ADAM12: variants seen among roughly 807,000 people sequenced by gnomAD.
The protein encoded by ADAM12 is ADAM metallopeptidase domain 12.
ADAM12 carries 70 observed loss-of-function variants against 106.4 expected under a neutral mutation model. That is an observed-to-expected ratio of 0.66 (90% CI 0.54 to 0.80). ADAM12 has a LOEUF of 0.80. ADAM12 is among the 30% of genes least tolerant of loss of function. The probability of loss-of-function intolerance (pLI) is 0.00; values close to 1 mark genes in which losing one functional copy is unlikely to be tolerated. For missense variants in ADAM12, 1,010 were observed against 1,171.9 expected (o/e 0.86, Z 2.02); for synonymous variants, 420 against 433.5 (o/e 0.97, Z 0.39).
intron 3 of ADAM12, among the ~76,000 whole-genome samples, chr10:126,164,768 T>C (rs186239654): frequency 4.2e-4 from 64 of 152,316 alleles, no homozygotes; most frequent in Non-Finnish European, 8.1e-4. Context: ...GCAGAAACTC[T>C]AGACTAGCTG....
chr10:126,151,728 G>A (rs1676718), intron 4 of ADAM12, among the ~76,000 whole-genome samples: 99,784 of 151,626 alleles, frequency 0.66, 33,064 homozygotes, highest in East Asian at 0.92. Context: ...AATATTAAAA[G>A]TACTATTACA....
intron 2 of ADAM12, among the ~76,000 whole-genome samples, chr10:126,312,017 T>C (rs574291510): frequency 1.3e-5 from 2 of 151,896 alleles, no homozygotes; most frequent in East Asian, 1.9e-4. Context: ...GTGGAGCATC[T>C]TGTGGGATGG....
chr10:126,071,602 T>C lies in ADAM12; in HGVS notation c.1198A>G (p.Ser400Gly). 2 of 1,614,190 alleles carry C rather than the reference T, an allele frequency of 1.2e-6. No individual in the cohort carries two copies. Among genetic ancestry groups the C allele is most frequent in the Non-Finnish European group, 1.7e-6 (2 of 1,180,034 alleles). ...CACACCCCCATTCCTTTCTCCAGGC[T>C]GGTCTCCAAGTCCTTCCTGCTGCAA... Reference protein sequence around the residue: ...SSCSRKDLETSLEKGMGVCLF... With the variant: ...SSCSRKDLETGLEKGMGVCLF... Residue 400 changes from serine to glycine, a missense_variant, in exon 12 of 23, where the codon AGC becomes GGC. Coordinates refer to ENST00000448723, the MANE Select transcript of ADAM12 (RefSeq NM_001288973.2).
At position 126,064,402 on chromosome 10, in the gene ADAM12, G is replaced by A. The variant is rs903839862; in HGVS notation, c.1609+404C>T. 4.6e-5 allele frequency among the ~76,000 whole-genome samples: 7 copies of A among 152,278 alleles called. No homozygotes were observed. The highest frequency in any genetic ancestry group is 2.1e-4 in the South Asian group (1 of 4,820). On this transcript the variant is annotated intron_variant, in intron 14 of 22. Coordinates refer to ENST00000448723, the MANE Select transcript of ADAM12 (RefSeq NM_001288973.2). The surrounding 1 kb of genome is among the most constrained non-coding windows in gnomAD (Gnocchi z 4.4). ...AAGTTCTGTCTGTCTGTCCAACTAC[G>A]TGCTATGCTATCTGAGGGCAGGAGT...
At chr10:126,190,815 C>T (rs1186210978) in intron 3 of ADAM12, among the ~76,000 whole-genome samples, 1 of 151,916 alleles carries the variant, frequency 6.6e-6, no homozygotes, top group Non-Finnish European at 1.5e-5. Context: ...CCACACAGGG[C>T]AGAGGCAGGA....
intron 16 of ADAM12, among the ~76,000 whole-genome samples, chr10:126,046,674 G>A (rs143456915): frequency 0.014 from 2,137 of 151,506 alleles, 102 homozygotes; most frequent in East Asian, 0.13. Context: ...GTGGTGGCAC[G>A]TGCCTGTAAT....
At chr10:126,159,307 C>CA (rs3069557) in intron 3 of ADAM12, among the ~76,000 whole-genome samples, 21,735 of 79,568 alleles carry the variant, frequency 0.27, 3,796 homozygotes, top group Middle Eastern at 0.33. Context: ...GAGACTCCAT[C>CA]AAAAAAAAAA....
At position 126,049,710 on chromosome 10, in the gene ADAM12, G is replaced by T; in HGVS notation, c.1610-41C>A. ...AACTGCATTTTCATCTCCTGCAGGT[G>T]ATTTTTTTTTTTTCATGGCTGTAGG... On this transcript the variant is annotated intron_variant, in intron 14 of 22. Transcript: ENST00000448723. This position sits in a 1 kb window ranked among gnomAD's most constrained non-coding sequence, Gnocchi z 4.4. 2 of 1,546,584 alleles carry T rather than the reference G, an allele frequency of 1.3e-6. No individual in the cohort carries two copies. Among genetic ancestry groups the T allele is most frequent in the South Asian group, 1.2e-5 (1 of 85,692 alleles).
Position 126,043,276 on chromosome 10 carries a change from T to C in ADAM12, c.1996-128A>G. On this transcript the variant is annotated intron_variant, in intron 17 of 22. Coordinates refer to ENST00000448723, the MANE Select transcript of ADAM12 (RefSeq NM_001288973.2). This position sits in a 1 kb window ranked among gnomAD's most constrained non-coding sequence, Gnocchi z 4.1. ...ACACAGCCAGACTCAGCACACGCCA[T>C]GGTGCGAATAAGCCCAAAGCCGGCA... 2 of 878,702 alleles carry C rather than the reference T, an allele frequency of 2.3e-6. No homozygotes were observed. Among genetic ancestry groups the C allele is most frequent in the South Asian group, 3.4e-5 (2 of 59,232 alleles). 54.4% of individuals were successfully genotyped at this position (878,702 alleles called of 1,614,324 possible). A position where few individuals can be genotyped will look rare whatever the true frequency, so the allele number is the denominator to read the frequency against.
At chr10:126,355,611 G>A (rs899001754) in intron 1 of ADAM12, among the ~76,000 whole-genome samples, 1 of 152,366 alleles carries the variant, frequency 6.6e-6, no homozygotes, top group Middle Eastern at 3.4e-3. Flanking sequence ...GCCACACAGA[G>A]AGGATGCCTC....
intron 3 of ADAM12, among the ~76,000 whole-genome samples, chr10:126,208,125 T>A (rs1020859237): frequency 2.6e-5 from 4 of 152,194 alleles, no homozygotes; most frequent in African/African-American, 9.7e-5. Context: ...CTGACTGAGA[T>A]AAGGGAAAGA....
Position 126,266,695 on chromosome 10 carries a change from C to T in ADAM12, c.260+12220G>A, listed in dbSNP as rs74465711. The stretch of plus-strand genomic sequence containing the variant: ...TCTGCAAGCTGTACAAGAAGCATGA[C>T]AGCTTCTGCTCGGCTTCTGAGGAGG... On this transcript the variant is annotated intron_variant, in intron 3 of 22. Transcript: ENST00000448723. Among the ~76,000 whole-genome samples the T allele has an allele frequency of 2.9e-3, 438 of 152,276 alleles. 2 individuals are homozygous for T. Among genetic ancestry groups the T allele is most frequent in the Non-Finnish European group, 2.6e-3 (180 of 68,026 alleles).
chr10:126,185,039 C>T (rs1260401130), intron 3 of ADAM12, among the ~76,000 whole-genome samples: 6 of 152,158 alleles, frequency 3.9e-5, no homozygotes, highest in African/African-American at 1.2e-4. Flanking sequence ...AATGAAAGCA[C>T]GGGTTGGAGT....
At chr10:126,349,911 T>TGG (rs1367348000) in intron 1 of ADAM12, among the ~76,000 whole-genome samples, 3 of 152,212 alleles carry the variant, frequency 2.0e-5, no homozygotes, top group Admixed American at 6.5e-5. Context: ...GGTATGGGTT[T>TGG]TCTCCAGAAG....
At chr10:126,158,904 A>C (rs1565103209) in intron 3 of ADAM12, among the ~76,000 whole-genome samples, 6 of 146,520 alleles carry the variant, frequency 4.1e-5, no homozygotes, top group African/African-American at 1.3e-4. Flanking sequence ...CATGGTGGGG[A>C]GGATGCACAG....
At position 126,056,629 on chromosome 10, in the gene ADAM12, G is replaced by T. The variant is rs192006254; in HGVS notation, c.1610-6960C>A. Among the ~76,000 whole-genome samples, 7 of 31,882 alleles carry T rather than the reference G, an allele frequency of 2.2e-4. 3 individuals carry two copies. In the Admixed American group the frequency reaches 3.3e-3, roughly 15 times the overall value. 20.9% of individuals were successfully genotyped at this position (31,882 alleles called of 152,430 possible). ...CCCTGTTTACAATGCTTACTCTTGA[G>T]TGTGATATTCCCCTTCCTGTGTCCA... On this transcript the variant is annotated intron_variant, in intron 14 of 22. Transcript: ENST00000448723.
chr10:126,317,352 T>C (rs1477576130), intron 2 of ADAM12, among the ~76,000 whole-genome samples: 4 of 152,296 alleles, frequency 2.6e-5, no homozygotes, highest in Admixed American at 2.6e-4. Context: ...TTTGGGTTTT[T>C]GACCAAATCT....
At chr10:126,243,086 G>C (rs924937101) in intron 3 of ADAM12, among the ~76,000 whole-genome samples, 1 of 152,174 alleles carries the variant, frequency 6.6e-6, no homozygotes, top group East Asian at 1.9e-4. Context: ...GTCAGCGCGT[G>C]CAGAGCAGCT....
intron 2 of ADAM12, among the ~76,000 whole-genome samples, chr10:126,295,530 A>AATACACACACACACACAC (rs1960328528): frequency 3.4e-5 from 5 of 147,886 alleles, no homozygotes; most frequent in East Asian, 4.0e-4. Context: ...TTACCACAAA[A>AATACACACACACACACAC]ATACACACAC....
Sources: gnomAD v4.1 joint callset for allele counts (sites outside exome capture counted in the v4.1 genomes callset) on GRCh38, gnomAD v4.1.1 for gene constraint, Gnocchi (gnomAD v3.1) non-coding constraint, MANE v1.5 for transcripts, NCBI Gene and HGNC (gene_info 2026-07-23, HGNC 2026-07-21) for gene names.